The following DENND1A variants were observed in gnomAD, a reference collection of about 807,000 sequenced individuals.
The protein encoded by DENND1A is DENN domain containing 1A.
A neutral mutation model predicts 113.7 loss-of-function variants in DENND1A; 51 were observed. The ratio of observed to expected loss-of-function variants is 0.45; its 90% CI spans 0.36 to 0.57. DENND1A has a LOEUF of 0.57. DENND1A is among the 20% of genes least tolerant of loss of function. DENND1A has a pLI of 0.00. For synonymous variants in DENND1A, 565 were observed against 570.8 expected (o/e 0.99, Z 0.14); for missense variants, 1,258 against 1,395.9 (o/e 0.90, Z 1.57).
chr9:123,763,834 G>A (rs1027555006), intron 4 of DENND1A, among the ~76,000 whole-genome samples: 2 of 152,034 alleles, frequency 1.3e-5, no homozygotes, highest in Non-Finnish European at 2.9e-5. Flanking sequence ...AGATGACCTC[G>A]ATAAAAACAG....
At chr9:123,468,228 GT>G (rs2049113874) in intron 13 of DENND1A, among the ~76,000 whole-genome samples, 1 of 152,188 alleles carries the variant, frequency 6.6e-6, no homozygotes, top group East Asian at 1.9e-4. Context: ...CACATGTAAT[GT>G]GGGTAGAGCT....
At chr9:123,728,506 A>AAAAAAAACACAAAAAAAC (rs1564150268) in intron 5 of DENND1A, among the ~76,000 whole-genome samples, 2 of 145,814 alleles carry the variant, frequency 1.4e-5, no homozygotes, top group Admixed American at 6.7e-5. Flanking sequence ...AAAAAAAAAA[A>AAAAAAAACACAAAAAAAC]AAAACAGGCA....
intron 5 of DENND1A, among the ~76,000 whole-genome samples, chr9:123,744,323 AAAT>A (rs2131165679): frequency 6.6e-6 from 1 of 152,328 alleles, no homozygotes; most frequent in South Asian, 2.1e-4. Context: ...CCATGTCATC[AAAT>A]AATCACCAAA....
At chr9:123,411,648 G>T in intron 20 of DENND1A, 128 bp downstream of exon 20, 1 of 497,280 alleles carries the variant, frequency 2.0e-6, no homozygotes, top group Non-Finnish European at 2.6e-6. Flanking sequence ...AGAGAGGGAA[G>T]CTGAAAAACC....
chr9:123,814,092 G>A (rs566970032), intron 2 of DENND1A, among the ~76,000 whole-genome samples: 1 of 152,190 alleles, frequency 6.6e-6, no homozygotes, highest in East Asian at 1.9e-4. Context: ...AATGTAACTA[G>A]TATCAACCAG....
intron 18 of DENND1A, among the ~76,000 whole-genome samples, chr9:123,444,918 C>G (rs1457405145): frequency 1.3e-5 from 2 of 152,210 alleles, no homozygotes; most frequent in Non-Finnish European, 2.9e-5. Context: ...AGACGCCAGA[C>G]AGAGCTACAT....
At chr9:123,789,076 C>A (rs1047883119) in intron 3 of DENND1A, among the ~76,000 whole-genome samples, 2 of 138,890 alleles carry the variant, frequency 1.4e-5, no homozygotes, top group East Asian at 4.2e-4. Flanking sequence ...TTTTTTTTTT[C>A]TTTTAAAAAA....
At chr9:123,891,569 CA>C (rs1849901202) in intron 1 of DENND1A, among the ~76,000 whole-genome samples, 1 of 152,134 alleles carries the variant, frequency 6.6e-6, no homozygotes, top group South Asian at 2.1e-4. Context: ...CTCAATGTGC[CA>C]AGATGGCACA....
intron 5 of DENND1A, among the ~76,000 whole-genome samples, chr9:123,709,215 A>G (rs969253147): frequency 1.3e-5 from 2 of 152,210 alleles, no homozygotes; most frequent in Admixed American, 6.5e-5. Flanking sequence ...AGACTCTGTA[A>G]CTAAGGCCTC....
At chr9:123,522,831 C>T (rs1040895693) in intron 13 of DENND1A, among the ~76,000 whole-genome samples, 3 of 152,200 alleles carry the variant, frequency 2.0e-5, no homozygotes, top group African/African-American at 7.2e-5. Context: ...GATGCTGTCA[C>T]AGCCTGCAAG....
At chr9:123,631,739 T>C (rs985086405) in intron 9 of DENND1A, among the ~76,000 whole-genome samples, 1 of 152,216 alleles carries the variant, frequency 6.6e-6, no homozygotes, top group African/African-American at 2.4e-5. Flanking sequence ...TCTTTTGACT[T>C]GCCCCTATTT....
intron 2 of DENND1A, among the ~76,000 whole-genome samples, chr9:123,877,060 G>C (rs1467260847): frequency 6.6e-6 from 1 of 152,152 alleles, no homozygotes; most frequent in Non-Finnish European, 1.5e-5. Context: ...GGGAGGGGCT[G>C]AGGGATAAGA....
chr9:123,792,677 C>A, intron 2 of DENND1A, 47 bp from the exon 3 acceptor site: 1 of 1,591,484 alleles, frequency 6.3e-7, no homozygotes, highest in Non-Finnish European at 8.6e-7. Flanking sequence ...GATTAGTGAG[C>A]AAGCAGAGGA....
intron 5 of DENND1A, among the ~76,000 whole-genome samples, chr9:123,697,787 G>A (rs1235729351): frequency 6.6e-6 from 1 of 152,150 alleles, no homozygotes; most frequent in African/African-American, 2.4e-5. Flanking sequence ...GACACAAGGT[G>A]TACTGGAGAG....
chr9:123,571,185 C>T (rs1389544661), intron 12 of DENND1A, among the ~76,000 whole-genome samples: 2 of 152,088 alleles, frequency 1.3e-5, no homozygotes, highest in African/African-American at 4.8e-5. Context: ...TCCAAAGTAA[C>T]CCTTTGCTCA....
intron 2 of DENND1A, among the ~76,000 whole-genome samples, chr9:123,808,083 G>A (rs1432890515): frequency 4.6e-5 from 7 of 151,972 alleles, no homozygotes; most frequent in East Asian, 3.9e-4. Flanking sequence ...AAAATTAGCC[G>A]GGTGTGGTGG....
At chr9:123,721,137 C>T (rs533304875) in intron 5 of DENND1A, among the ~76,000 whole-genome samples, 1 of 152,332 alleles carries the variant, frequency 6.6e-6, no homozygotes, top group East Asian at 1.9e-4. Context: ...AGTGGTTCCT[C>T]TATGCTAGAG....
intron 1 of DENND1A, among the ~76,000 whole-genome samples, chr9:123,893,904 A>G (rs973132299): frequency 1.4e-4 from 21 of 152,144 alleles, no homozygotes; most frequent in Non-Finnish European, 8.8e-5. Flanking sequence ...TAGGCACTTA[A>G]GAGATATTTG....
rs1335181828 is a variant in DENND1A, at chr9:123,764,573, CA to C, written c.182+4940del. ...TGGACCCAAAATATGAGGGGACCAA[CA>C]GTAAGTGACACACTTCGAGACAGAA... On this transcript the variant is annotated intron_variant, in intron 4 of 23. Coordinates refer to ENST00000394215, the MANE Select transcript of DENND1A (RefSeq NM_001352964.2). The surrounding 1 kb of genome is among the most constrained non-coding windows in gnomAD (Gnocchi z 4.1). Among the ~76,000 whole-genome samples, 1 of 152,192 alleles carries C rather than the reference CA, an allele frequency of 6.6e-6. No homozygotes were observed. Among genetic ancestry groups the C allele is most frequent in the Non-Finnish European group, 1.5e-5 (1 of 68,030 alleles).
Sources: gnomAD v4.1 joint callset for allele counts (sites outside exome capture counted in the v4.1 genomes callset) on GRCh38, gnomAD v4.1.1 for gene constraint, Gnocchi (gnomAD v3.1) non-coding constraint, MANE v1.5 for transcripts, NCBI Gene and HGNC (gene_info 2026-07-23, HGNC 2026-07-21) for gene names.